CNTNAP5: variants seen among roughly 807,000 people sequenced by gnomAD.
CNTNAP5 encodes contactin-associated protein-like 5.
A neutral mutation model predicts 150.2 loss-of-function variants in CNTNAP5; 72 were observed. The observed-to-expected ratio is 0.48, with a 90% confidence interval of 0.40 to 0.58. The LOEUF is 0.58. Ranked by LOEUF, CNTNAP5 falls within the 20% of genes least tolerant of loss-of-function variation. The probability of loss-of-function intolerance (pLI) is 0.00; values close to 1 mark genes in which losing one functional copy is unlikely to be tolerated. For missense variants in CNTNAP5, 1,636 were observed against 1,626.2 expected (o/e 1.01, Z -0.10); for synonymous variants, 672 against 619.8 (o/e 1.08, Z -1.25).
intron 1 of CNTNAP5, among the ~76,000 whole-genome samples, chr2:124,153,490 T>G (rs1268459634): frequency 1.3e-5 from 2 of 151,788 alleles, no homozygotes; most frequent in Non-Finnish European, 2.9e-5. Flanking sequence ...ATGTCCAATA[T>G]CAAGATACTG....
intron 1 of CNTNAP5, among the ~76,000 whole-genome samples, chr2:124,204,593 C>T (rs1396348508): frequency 1.3e-5 from 2 of 152,130 alleles, no homozygotes; most frequent in Admixed American, 1.3e-4. Flanking sequence ...AGGTTTAATG[C>T]ACTCATAGTT....
chr2:124,025,644 G>A lies in CNTNAP5; in HGVS notation c.-7G>A. The A allele has an allele frequency of 6.2e-7, 1 of 1,613,394 alleles. No homozygotes were observed. The highest frequency in any genetic ancestry group is 1.7e-5 in the Admixed American group (1 of 60,004). ...TTCGATTGGGAGGGACCGCTCACTC[G>A]GGGGAAATGGATTCTTTACCACGGC... On this transcript the variant is annotated 5_prime_UTR_variant, in exon 1 of 24. Coordinates refer to ENST00000682447, the MANE Select transcript of CNTNAP5 (RefSeq NM_001367498.1).
intron 7 of CNTNAP5, among the ~76,000 whole-genome samples, chr2:124,499,216 T>C (rs1694220450): frequency 6.6e-6 from 1 of 152,228 alleles, no homozygotes; most frequent in Admixed American, 6.5e-5. Flanking sequence ...CCTCACTTCC[T>C]TCAGAATTCA....
Position 124,551,462 on chromosome 2 carries a change from C to T in CNTNAP5, c.1650-11755C>T, listed in dbSNP as rs138269605. Among the ~76,000 whole-genome samples the T allele has an allele frequency of 4.6e-3, 706 of 152,236 alleles. 4 individuals carry two copies. The highest frequency in any genetic ancestry group is 0.016 in the African/African-American group (676 of 41,520). On this transcript the variant is annotated intron_variant, in intron 10 of 23. Transcript: ENST00000682447. ...AAAAGCTTTCAGAAAAGCTATCTGA[C>T]CAAAACGAGATCAATGCGGTTGGCT...
chr2:124,188,409 T>C (rs1685380538), intron 1 of CNTNAP5, among the ~76,000 whole-genome samples: 1 of 151,990 alleles, frequency 6.6e-6, no homozygotes, highest in African/African-American at 2.4e-5. Context: ...AACATCTATT[T>C]ATAAAAGAAG....
intron 3 of CNTNAP5, among the ~76,000 whole-genome samples, chr2:124,282,139 A>G (rs1688030253): frequency 6.6e-6 from 1 of 152,134 alleles, no homozygotes; most frequent in Non-Finnish European, 1.5e-5. Flanking sequence ...GGCACCCAAA[A>G]AGGGCAAAGC....
chr2:124,536,966 A>T (rs1172146884), intron 10 of CNTNAP5, among the ~76,000 whole-genome samples: 5 of 152,054 alleles, frequency 3.3e-5, no homozygotes, highest in Non-Finnish European at 5.9e-5. Flanking sequence ...CAGACACATT[A>T]ATAGTGAATC....
chr2:124,621,910 T>C (rs927698945), intron 12 of CNTNAP5, among the ~76,000 whole-genome samples: 18 of 152,242 alleles, frequency 1.2e-4, no homozygotes, highest in African/African-American at 4.1e-4. Flanking sequence ...TTGGTACTGG[T>C]ATCTCCTTGC....
chr2:124,415,878 G>A (rs980283741), intron 3 of CNTNAP5, among the ~76,000 whole-genome samples: 1 of 152,010 alleles, frequency 6.6e-6, no homozygotes, highest in Non-Finnish European at 1.5e-5. Flanking sequence ...AAATATATTA[G>A]GTGTGAGCCT....
intron 12 of CNTNAP5, among the ~76,000 whole-genome samples, chr2:124,627,328 A>G (rs535732023): frequency 3.0e-4 from 45 of 152,278 alleles, no homozygotes; most frequent in African/African-American, 1.0e-3. Flanking sequence ...GGAAAATCCC[A>G]GCGGACATCA....
intron 19 of CNTNAP5, among the ~76,000 whole-genome samples, chr2:124,854,199 T>A (rs1484074978): frequency 6.6e-6 from 1 of 152,210 alleles, no homozygotes; most frequent in African/African-American, 2.4e-5. Flanking sequence ...ACTGATCAAA[T>A]CTTCTCCCTT....
chr2:124,166,401 A>C (rs1684810918), intron 1 of CNTNAP5, among the ~76,000 whole-genome samples: 1 of 152,188 alleles, frequency 6.6e-6, no homozygotes. Flanking sequence ...ACACTTAAGT[A>C]CATTGAGATT....
At chr2:124,140,850 G>A (rs1235913096) in intron 1 of CNTNAP5, among the ~76,000 whole-genome samples, 2 of 73,686 alleles carry the variant, frequency 2.7e-5, no homozygotes, top group African/African-American at 4.3e-5. Flanking sequence ...TGAGCTACGG[G>A]AGGACATTCA....
chr2:124,083,514 T>C (rs1197481357), intron 1 of CNTNAP5, among the ~76,000 whole-genome samples: 1 of 152,202 alleles, frequency 6.6e-6, no homozygotes, highest in Non-Finnish European at 1.5e-5. Flanking sequence ...GTATTATAGA[T>C]ACCAAATAGT....
At chr2:124,838,313 A>G (rs943287063) in intron 19 of CNTNAP5, among the ~76,000 whole-genome samples, 8 of 152,042 alleles carry the variant, frequency 5.3e-5, no homozygotes, top group African/African-American at 1.9e-4. Context: ...CCAGGCTTTC[A>G]CAGGTGATAT....
intron 13 of CNTNAP5, among the ~76,000 whole-genome samples, chr2:124,736,352 C>T (rs982857034): frequency 8.5e-5 from 13 of 152,254 alleles, no homozygotes; most frequent in Middle Eastern, 6.8e-3. Flanking sequence ...TAATATTGTA[C>T]GTCAAATTTA....
chr2:124,081,924 A>T (rs1248225986), intron 1 of CNTNAP5, among the ~76,000 whole-genome samples: 1 of 152,204 alleles, frequency 6.6e-6, no homozygotes, highest in Non-Finnish European at 1.5e-5. Flanking sequence ...TCAAAGTATG[A>T]GAATTTTATA....
chr2:124,321,784 T>C (rs1284208691), intron 3 of CNTNAP5, among the ~76,000 whole-genome samples: 1 of 152,132 alleles, frequency 6.6e-6, no homozygotes, highest in Non-Finnish European at 1.5e-5. Flanking sequence ...TTTTAAAATA[T>C]AAAAAAATTA....
intron 1 of CNTNAP5, among the ~76,000 whole-genome samples, chr2:124,080,373 T>C (rs1247753368): frequency 6.6e-6 from 1 of 152,188 alleles, no homozygotes; most frequent in African/African-American, 2.4e-5. Flanking sequence ...ATAAATAGTC[T>C]TGCAGTCTAA....
Sources: allele counts gnomAD v4.1 joint callset (sites outside exome capture counted in the v4.1 genomes callset), GRCh38; gene constraint gnomAD v4.1.1; transcripts MANE v1.5; gene names NCBI Gene and HGNC (gene_info 2026-07-23, HGNC 2026-07-21).